Variants in TRIM10 observed in about 807,000 individuals in gnomAD.
TRIM10 encodes tripartite motif containing 10, also known as tripartite motif-containing protein 10.
In TRIM10, 42 loss-of-function variants were observed where a neutral mutation model predicts 40.0. That is an observed-to-expected ratio of 1.05 (90% CI 0.82 to 1.36). The LOEUF (loss-of-function observed/expected upper bound fraction) is 1.36. Ranked by LOEUF, TRIM10 falls within the 40% of genes most tolerant of loss-of-function variation. TRIM10 has a pLI of 0.00. For missense variants in TRIM10, 601 were observed against 608.3 expected, an observed-to-expected ratio of 0.99 and a Z score of 0.13; for synonymous variants, 260 against 239.5, an observed-to-expected ratio of 1.09 and a Z score of -0.79.
chr6:30,163,566 G>C, upstream of TRIM10: 9 of 1,311,752 alleles, frequency 6.9e-6, no homozygotes, highest in Non-Finnish European at 7.2e-6. Flanking sequence ...CTCTCTCTCT[G>C]TCTCTTAGCC....
chr6:30,163,708 G>T, upstream of TRIM10: 1 of 1,611,130 alleles, frequency 6.2e-7, no homozygotes, highest in Non-Finnish European at 8.5e-7. Flanking sequence ...CGTCCCTGAA[G>T]GTGGTCCATG....
chr6:30,153,765 C>T lies in TRIM10; in HGVS notation c.*204G>A. The T allele has an allele frequency of 1.2e-6, 2 of 1,613,072 alleles. No homozygotes were observed. Among genetic ancestry groups the T allele is most frequent in the South Asian group, 2.2e-5 (2 of 91,076 alleles). On this transcript the variant is annotated 3_prime_UTR_variant, in exon 7 of 7. Coordinates refer to ENST00000449742, the MANE Select transcript of TRIM10 (RefSeq NM_006778.4). ...CAGCCTGAGTCCCCAGGTACCCTGG[C>T]CATCCACTGGGCATTGGGGAAAGGA...
intron 6 of TRIM10, among the ~76,000 whole-genome samples, chr6:30,155,403 T>G (rs1002417754): frequency 3.3e-5 from 5 of 152,192 alleles, no homozygotes; most frequent in Admixed American, 3.3e-4. Context: ...GCATTAATCT[T>G]TCTATCTACT....
intron 6 of TRIM10, 122 bp from the exon 7 acceptor site, chr6:30,154,608 C>A: frequency 7.9e-7 from 1 of 1,269,944 alleles, no homozygotes; most frequent in Non-Finnish European, 1.1e-6. Flanking sequence ...TGTATAGTGC[C>A]TACGTGGGCC....
In TRIM10 at chr6:30,153,064, C is replaced by G. The variant is rs17188071; in HGVS notation, c.*905G>C. The G allele has an allele frequency of 6.5e-6, 1 of 153,024 alleles. No individual in the cohort carries two copies. Among genetic ancestry groups the G allele is most frequent in the African/African-American group, 2.4e-5 (1 of 41,434 alleles). The allele number at this position is 153,024 out of a possible 1,614,324, so 9.5% of individuals were successfully genotyped here. On this transcript the variant is annotated 3_prime_UTR_variant, in exon 7 of 7. Coordinates refer to ENST00000449742, the MANE Select transcript of TRIM10 (RefSeq NM_006778.4). ...GATTTATGGCTATACCTTATGTCCTCCTGCCCCCAGGCCCTGCACCTTAAT... is the reference window on the plus strand; with the variant it reads ...GATTTATGGCTATACCTTATGTCCTGCTGCCCCCAGGCCCTGCACCTTAAT...
At chr6:30,158,039 TG>T (rs1171745234) in intron 3 of TRIM10, among the ~76,000 whole-genome samples, 1 of 152,172 alleles carries the variant, frequency 6.6e-6, no homozygotes, top group Non-Finnish European at 1.5e-5. Context: ...ACTTCCTGAC[TG>T]GTGGTTGGTG....
At chr6:30,154,535 T>A in intron 6 of TRIM10, 49 bp from the exon 7 acceptor site, 1 of 1,593,192 alleles carries the variant, frequency 6.3e-7, no homozygotes, top group Non-Finnish European at 8.5e-7. Flanking sequence ...TGCTATTACC[T>A]CCAAGGAAGG....
chr6:30,154,339 C>A lies in TRIM10; in HGVS notation c.1076G>T (p.Gly359Val). 6.2e-7 allele frequency: 1 copy of A among 1,613,072 alleles called. No homozygotes were observed. The change falls in exon 7 of 7, where the codon GGC (glycine) becomes GTC (valine). Residue 359 changes from glycine to valine, a missense_variant. By Grantham distance (109) the Gly-to-Val change is moderately radical (BLOSUM62 -3). Transcript: ENST00000449742. ...DRATCVLAHT[G>V]ITGGRHTWVV... Reference sequence around the variant, plus strand: ...CCACGTGTGTCTCCCCCCTGTGATGCCAGTGTGGGCCAGAACACAGGTGGC... The same window carrying A: ...CCACGTGTGTCTCCCCCCTGTGATGACAGTGTGGGCCAGAACACAGGTGGC...
upstream of TRIM10, chr6:30,163,957 C>A: frequency 6.2e-7 from 1 of 1,612,994 alleles, no homozygotes; most frequent in Non-Finnish European, 8.5e-7. Flanking sequence ...AGAAGATCTA[C>A]TTCTTCTGCG....
In TRIM10 at chr6:30,154,386, G is replaced by C; in HGVS notation, c.1029C>G (p.Asp343Glu). ...QFSYKWQNSP[D>E]NPQRFDRATC... ...TGGCCCGGTCAAAACGTTGGGGGTTGTCTGGTGAGTTCTGCCATTTGTAGG... is the reference window on the plus strand; with the variant it reads ...TGGCCCGGTCAAAACGTTGGGGGTTCTCTGGTGAGTTCTGCCATTTGTAGG... The change falls in exon 7 of 7, where the codon GAC (aspartate) becomes GAG (glutamate). Residue 343 changes from aspartate (D) to glutamate (E), a missense_variant. Coordinates refer to ENST00000449742, the MANE Select transcript of TRIM10 (RefSeq NM_006778.4). 6.2e-7 allele frequency: 1 copy of C among 1,613,012 alleles called. No homozygotes were observed. The highest frequency in any genetic ancestry group is 8.5e-7 in the Non-Finnish European group (1 of 1,179,988).
At chr6:30,162,465 G>C (rs1773197543), upstream of TRIM10, among the ~76,000 whole-genome samples, 1 of 152,200 alleles carries the variant, frequency 6.6e-6, no homozygotes, top group Non-Finnish European at 1.5e-5. Flanking sequence ...AGGAAGAGCA[G>C]AGATTGGATG....
At chr6:30,161,793 T>G (rs1285990530), upstream of TRIM10, among the ~76,000 whole-genome samples, 1 of 152,202 alleles carries the variant, frequency 6.6e-6, no homozygotes, top group Non-Finnish European at 1.5e-5. Context: ...AAACGCAAAG[T>G]GAGCCACATA....
At chr6:30,163,571 TTAG>T, upstream of TRIM10, 98 of 1,312,550 alleles carry the variant, frequency 7.5e-5, no homozygotes, top group Non-Finnish European at 8.8e-5. Flanking sequence ...TCTCTGTCTC[TTAG>T]CCTTGCAGCC....
In TRIM10 at chr6:30,153,947, G is replaced by A. The variant is rs765145533; in HGVS notation, c.*22C>T. On this transcript the variant is annotated 3_prime_UTR_variant, in exon 7 of 7. Transcript: ENST00000449742. Reference sequence around the variant, plus strand: ...GTTGATATGAGTCCTGTACTTAGAGGAGAGTAGGTAACTGCTCCTTCTCAG... The same window carrying A: ...GTTGATATGAGTCCTGTACTTAGAGAAGAGTAGGTAACTGCTCCTTCTCAG... 6 of 1,583,384 alleles carry A rather than the reference G, an allele frequency of 3.8e-6. No homozygotes were observed. Among genetic ancestry groups the A allele is most frequent in the Admixed American group, 1.7e-5 (1 of 58,396 alleles).
Position 30,153,576 on chromosome 6 carries a change from A to G in TRIM10, c.*393T>C. The G allele has an allele frequency of 1.1e-6, 1 of 922,996 alleles. No homozygotes were observed. The highest frequency in any genetic ancestry group is 1.7e-6 in the Non-Finnish European group (1 of 590,282). The allele number at this position is 922,996 out of a possible 1,614,324, so 57.2% of individuals were successfully genotyped here. Reference sequence around the variant, plus strand: ...ATGTGATTACATGAACTCTAACATTATTGGAAGAAAACAAGATGAAAAGAG... The same window carrying G: ...ATGTGATTACATGAACTCTAACATTGTTGGAAGAAAACAAGATGAAAAGAG... On this transcript the variant is annotated 3_prime_UTR_variant, in exon 7 of 7. Transcript: ENST00000449742.
chr6:30,163,615 T>C, upstream of TRIM10: 1 of 1,519,686 alleles, frequency 6.6e-7, no homozygotes, highest in South Asian at 1.3e-5. Context: ...TAAGTGTGAC[T>C]CGATTTCAGG....
intron 2 of TRIM10, 21 bp downstream of exon 2, chr6:30,159,129 G>C: frequency 6.5e-7 from 1 of 1,541,264 alleles, no homozygotes; most frequent in Non-Finnish European, 9.0e-7. Context: ...GGAGGAACCT[G>C]GGGAAGGGGT....
At chr6:30,155,210 C>T (rs1772414306) in intron 6 of TRIM10, among the ~76,000 whole-genome samples, 2 of 152,176 alleles carry the variant, frequency 1.3e-5, no homozygotes, top group East Asian at 3.9e-4. Context: ...TGAGAAATGA[C>T]AGCCTTGAAG....
At chr6:30,162,415 C>G (rs1277682231), upstream of TRIM10, among the ~76,000 whole-genome samples, 1 of 152,122 alleles carries the variant, frequency 6.6e-6, no homozygotes, top group East Asian at 1.9e-4. Flanking sequence ...GCTGGTGGCT[C>G]CTGTATTGGA....
Sources: allele counts gnomAD v4.1 joint callset (sites outside exome capture counted in the v4.1 genomes callset), GRCh38; gene constraint gnomAD v4.1.1; transcripts MANE v1.5; gene names NCBI Gene and HGNC (gene_info 2026-07-23, HGNC 2026-07-21).